Variants in KCNJ12 observed in about 807,000 individuals in gnomAD.
The protein encoded by KCNJ12 is potassium inwardly rectifying channel subfamily J member 12.
A neutral mutation model predicts 22.3 loss-of-function variants in KCNJ12; 2 were observed. The ratio of observed to expected loss-of-function variants is 0.09; its 90% confidence interval spans 0.04 to 0.28. The LOEUF (loss-of-function observed/expected upper bound fraction) is 0.28. Among genes scored for constraint, KCNJ12 ranks in the 10% least tolerant of loss-of-function variants. The probability of loss-of-function intolerance (pLI) is 1.00; values close to 1 mark genes in which losing one functional copy is unlikely to be tolerated. For missense variants in KCNJ12, 155 were observed against 633.3 expected (o/e 0.24, Z 8.11); for synonymous variants, 117 against 261.4 (o/e 0.45, Z 5.33).
Position 21,416,512 on chromosome 17 carries a change from T to C in KCNJ12, c.1170T>C (p.Asp390=), listed in dbSNP as rs529907789. 1.8e-5 allele frequency: 29 copies of C among 1,613,450 alleles called. No homozygotes were observed. The South Asian group carries it at 2.7e-4, about 15-fold the overall frequency. ...CCTTCCTGAGCCGTGACGAGGAGGA[T>C]GAGGCGGACGGAGACCAGGACGGCC... ...ELAFLSRDEE[D]EADGDQDGRS... Residue 390 remains aspartate, a synonymous_variant, in exon 3 of 3, where the codon GAT becomes GAC. Coordinates refer to ENST00000583088, the MANE Select transcript of KCNJ12 (RefSeq NM_021012.5).
chr17:21,401,780 G>T (rs2142062799), intron 1 of KCNJ12, among the ~76,000 whole-genome samples: 1 of 152,338 alleles, frequency 6.6e-6, no homozygotes, highest in South Asian at 2.1e-4. Context: ...CAGGGACCTG[G>T]TTCTGTGCTG....
rs1338171596 is a variant in KCNJ12 at position 21,416,395 on chromosome 17, G to A, written c.1053G>A (p.Val351=). ...CGCACTTCCACAAGACCTATGAGGT[G>A]CCCTCTACGCCCCGCTGCAGTGCGA... The part of the protein sequence containing the change: ...DYSHFHKTYE[V]PSTPRCSAKD... The change falls in exon 3 of 3, where the codon GTG becomes GTA. Residue 351 remains valine, a synonymous_variant. Coordinates refer to ENST00000583088, the MANE Select transcript of KCNJ12 (RefSeq NM_021012.5). The A allele has an allele frequency of 6.2e-7, 1 of 1,613,690 alleles. No individual in the cohort carries two copies. The highest frequency in any genetic ancestry group is 1.3e-5 in the African/African-American group (1 of 74,964).
chr17:21,414,703 G>A (rs1340513929), intron 2 of KCNJ12, among the ~76,000 whole-genome samples: 300 of 151,978 alleles, frequency 2.0e-3, no homozygotes, highest in African/African-American at 7.1e-3. Flanking sequence ...GTGGCAGGAT[G>A]TCTTGCGGGA....
At chr17:21,383,903 T>C (rs1904975661) in intron 1 of KCNJ12, among the ~76,000 whole-genome samples, 1 of 152,190 alleles carries the variant, frequency 6.6e-6, no homozygotes, top group East Asian at 1.9e-4. Flanking sequence ...TTGTCATATT[T>C]TGTTGAATAT....
At chr17:21,403,114 G>A (rs4985856) in intron 1 of KCNJ12, among the ~76,000 whole-genome samples, 1 of 152,298 alleles carries the variant, frequency 6.6e-6, no homozygotes, top group Non-Finnish European at 1.5e-5. Flanking sequence ...AGACTTCATG[G>A]AGGAGGCATC....
At chr17:21,393,129 TCCCCTAC>T (rs1210465238) in intron 1 of KCNJ12, among the ~76,000 whole-genome samples, 2 of 151,816 alleles carry the variant, frequency 1.3e-5, no homozygotes, top group East Asian at 3.9e-4. Context: ...TCCCCTGCCC[TCCCCTAC>T]TGGAAAGGAC....
intron 2 of KCNJ12, among the ~76,000 whole-genome samples, chr17:21,414,912 G>T (rs1906605123): frequency 6.6e-6 from 1 of 152,310 alleles, no homozygotes; most frequent in African/African-American, 2.4e-5. Flanking sequence ...CTCTGTGGCT[G>T]CCATGGAGAC....
intron 1 of KCNJ12, among the ~76,000 whole-genome samples, chr17:21,407,523 C>T (rs1315051861): frequency 3.9e-5 from 6 of 152,276 alleles, no homozygotes; most frequent in East Asian, 1.9e-4. Context: ...ACCCAATCAT[C>T]TGCCCATCCA....
intron 1 of KCNJ12, among the ~76,000 whole-genome samples, chr17:21,377,740 C>T (rs1031574642): frequency 6.6e-6 from 1 of 152,158 alleles, no homozygotes. Flanking sequence ...CCAGCGTGCC[C>T]ATGTCATGTG....
At chr17:21,399,000 T>C (rs34276549) in intron 1 of KCNJ12, among the ~76,000 whole-genome samples, 12,263 of 152,148 alleles carry the variant, frequency 0.081, 711 homozygotes, top group East Asian at 0.25. Flanking sequence ...GCCTTAGGGG[T>C]GGAGCCCTGG....
chr17:21,395,647 G>A (rs972362062), intron 1 of KCNJ12, among the ~76,000 whole-genome samples: 3 of 151,016 alleles, frequency 2.0e-5, no homozygotes. Context: ...CAGGGATAGT[G>A]ATATAATATT....
At chr17:21,390,219 G>GTCCA (rs1356249985) in intron 1 of KCNJ12, among the ~76,000 whole-genome samples, 1 of 152,012 alleles carries the variant, frequency 6.6e-6, no homozygotes, top group African/African-American at 2.4e-5. Flanking sequence ...CACCCCTCTT[G>GTCCA]CCCACCCAAG....
chr17:21,406,597 C>T (rs2142067820), intron 1 of KCNJ12, among the ~76,000 whole-genome samples: 1 of 152,418 alleles, frequency 6.6e-6, no homozygotes, highest in South Asian at 2.1e-4. Context: ...ACCAGGCAGG[C>T]CATCCCATTT....
In KCNJ12 at chr17:21,419,436, A is replaced by G. The variant is rs1453805205; in HGVS notation, c.*2792A>G. 1 of 166,962 alleles carries G rather than the reference A, an allele frequency of 6.0e-6. No individual in the cohort carries two copies. Among genetic ancestry groups the G allele is most frequent in the Non-Finnish European group, 1.5e-5 (1 of 68,110 alleles). The allele number at this position is 166,962 out of a possible 1,614,324, so 10.3% of individuals were successfully genotyped here. On this transcript the variant is annotated 3_prime_UTR_variant, in exon 3 of 3. Transcript: ENST00000583088. The stretch of plus-strand genomic sequence containing the variant: ...TTGGGCACTGGCACAGGTGAACCCC[A>G]CAGTCCCCGACCCTCTGCCCTGATT...
At chr17:21,403,737 C>T (rs75063296) in intron 1 of KCNJ12, among the ~76,000 whole-genome samples, 2,450 of 123,538 alleles carry the variant, frequency 0.02, no homozygotes, top group African/African-American at 0.035. Flanking sequence ...AGGGAGTTCC[C>T]AGCTGGCCAG....
chr17:21,409,537 G>A (rs1371402676), intron 2 of KCNJ12, among the ~76,000 whole-genome samples: 3 of 152,308 alleles, frequency 2.0e-5, no homozygotes, highest in African/African-American at 4.8e-5. Flanking sequence ...CACTGGAGCC[G>A]ACTCCCGCTG....
chr17:21,405,342 C>T (rs1317136222), intron 1 of KCNJ12: 2 of 152,256 alleles, frequency 1.3e-5, no homozygotes, highest in African/African-American at 4.8e-5. Context: ...GTGGGGTCTC[C>T]TCATTTTGCA....
At chr17:21,390,484 G>A (rs1726384021) in intron 1 of KCNJ12, among the ~76,000 whole-genome samples, 1 of 152,256 alleles carries the variant, frequency 6.6e-6, no homozygotes, top group Non-Finnish European at 1.5e-5. Context: ...GTCAGGGCAG[G>A]AGCTGGGAGG....
At chr17:21,387,914 G>T (rs1905117505) in intron 1 of KCNJ12, among the ~76,000 whole-genome samples, 1 of 152,126 alleles carries the variant, frequency 6.6e-6, no homozygotes, top group Non-Finnish European at 1.5e-5. Context: ...TCACTGCTGT[G>T]CCCCCCGAGG....
Sources: gnomAD v4.1 joint callset for allele counts (sites outside exome capture counted in the v4.1 genomes callset) on GRCh38, gnomAD v4.1.1 for gene constraint, MANE v1.5 for transcripts, NCBI Gene and HGNC (gene_info 2026-07-23, HGNC 2026-07-21) for gene names.